The following NMNAT3 variants were observed in gnomAD, a reference collection of about 807,000 sequenced individuals.
NMNAT3 encodes the protein nicotinamide nucleotide adenylyltransferase 3, also known as nicotinamide/nicotinic acid mononucleotide adenylyltransferase 3.
In NMNAT3, 21 loss-of-function variants were observed where a neutral mutation model predicts 24.8. That is an observed-to-expected ratio of 0.85 (90% confidence interval 0.60 to 1.22). NMNAT3 has a LOEUF of 1.22. NMNAT3 is among the 50% of genes most tolerant of loss of function. The pLI, the probability that NMNAT3 is intolerant of heterozygous loss-of-function variation, is 0.00. For missense variants in NMNAT3, 387 were observed against 436.6 expected, an observed-to-expected ratio of 0.89 and a Z score of 1.01; for synonymous variants, 136 against 155.2, an observed-to-expected ratio of 0.88 and a Z score of 0.92.
intron 3 of NMNAT3, among the ~76,000 whole-genome samples, chr3:139,614,196 T>C (rs1010848101): frequency 2.9e-4 from 44 of 151,840 alleles, no homozygotes; most frequent in African/African-American, 1.0e-3. Flanking sequence ...ATTTAAAATA[T>C]CAATTTGCCT....
At chr3:139,569,827 T>A (rs1283035684) in intron 6 of NMNAT3, 1 of 152,176 alleles carries the variant, frequency 6.6e-6, no homozygotes, top group African/African-American at 2.4e-5. Context: ...TGTCTTGGAG[T>A]TGCTCTTCTC....
At chr3:139,649,040 A>G (rs901231502) in intron 1 of NMNAT3, among the ~76,000 whole-genome samples, 2 of 152,214 alleles carry the variant, frequency 1.3e-5, no homozygotes, top group Admixed American at 1.3e-4. Context: ...AGGGGGTGGT[A>G]AGAAGAGTGG....
At chr3:139,651,895 C>T (rs1176582068) in intron 1 of NMNAT3, among the ~76,000 whole-genome samples, 1 of 152,210 alleles carries the variant, frequency 6.6e-6, no homozygotes, top group Admixed American at 6.5e-5. Flanking sequence ...CCTCTGAATG[C>T]TCCATGCTCC....
At chr3:139,591,509 G>T in intron 3 of NMNAT3, among the ~76,000 whole-genome samples, 1 of 152,146 alleles carries the variant, frequency 6.6e-6, no homozygotes, top group Non-Finnish European at 1.5e-5. Flanking sequence ...CTCCACCTCT[G>T]GGGGCAGGGT....
At chr3:139,591,091 G>T (rs7652920) in intron 3 of NMNAT3, among the ~76,000 whole-genome samples, 3,772 of 151,404 alleles carry the variant, frequency 0.025, 167 homozygotes, top group African/African-American at 0.085. Context: ...CCAGACAGTG[G>T]GCGCAGGCCA....
intron 1 of NMNAT3, among the ~76,000 whole-genome samples, chr3:139,638,576 G>T (rs564847184): frequency 6.6e-6 from 1 of 152,146 alleles, no homozygotes. Flanking sequence ...GCTCATCTCC[G>T]TCCCTTGACT....
At chr3:139,636,284 A>G (rs2056497834) in intron 2 of NMNAT3, 1 of 152,138 alleles carries the variant, frequency 6.6e-6, no homozygotes, top group African/African-American at 2.4e-5. Context: ...TCTATTTTAT[A>G]TGCAGAAACT....
intron 3 of NMNAT3, among the ~76,000 whole-genome samples, chr3:139,620,959 AT>A (rs796386715): frequency 1.3e-5 from 2 of 151,170 alleles, no homozygotes; most frequent in African/African-American, 2.4e-5. Context: ...ATGCTTGGCT[AT>A]TTTTTTTTCC....
At chr3:139,650,276 CCTT>C (rs2057013000) in intron 1 of NMNAT3, among the ~76,000 whole-genome samples, 1 of 152,126 alleles carries the variant, frequency 6.6e-6, no homozygotes. Flanking sequence ...TTTTATGACT[CCTT>C]ATTACAAATT....
chr3:139,564,149 G>A (rs1002086216), intron 6 of NMNAT3, among the ~76,000 whole-genome samples: 1 of 152,152 alleles, frequency 6.6e-6, no homozygotes, highest in Non-Finnish European at 1.5e-5. Context: ...GCCATAAAAT[G>A]GGGATAGTAA....
At chr3:139,644,153 C>G (rs542588703) in intron 1 of NMNAT3, among the ~76,000 whole-genome samples, 2 of 152,284 alleles carry the variant, frequency 1.3e-5, no homozygotes, top group South Asian at 4.2e-4. Context: ...ATCATTAAGT[C>G]AATTTTAGTT....
chr3:139,663,069 C>T (rs2057467766), intron 1 of NMNAT3, among the ~76,000 whole-genome samples: 1 of 152,204 alleles, frequency 6.6e-6, no homozygotes, highest in Non-Finnish European at 1.5e-5. Flanking sequence ...AGTCAGAAGT[C>T]CAAAAGGGAC....
chr3:139,590,374 T>G (rs980327479), intron 3 of NMNAT3, among the ~76,000 whole-genome samples: 8 of 152,240 alleles, frequency 5.3e-5, no homozygotes, highest in African/African-American at 1.9e-4. Context: ...AGCTAATCAA[T>G]TTGGGAGCAT....
chr3:139,596,918 A>ATG (rs2054491150), intron 3 of NMNAT3, among the ~76,000 whole-genome samples: 1 of 27,820 alleles, frequency 3.6e-5, no homozygotes, highest in Non-Finnish European at 1.0e-4. Context: ...TCATGTGTGT[A>ATG]TATATATATA....
chr3:139,573,743 A>G, intron 5 of NMNAT3, 63 bp from the exon 6 acceptor site: 1 of 890,222 alleles, frequency 1.1e-6, no homozygotes, highest in Non-Finnish European at 1.7e-6. Context: ...CCACCCAGGG[A>G]TTTTCAGATT....
chr3:139,646,299 A>G (rs1169988381), intron 1 of NMNAT3, among the ~76,000 whole-genome samples: 1 of 152,254 alleles, frequency 6.6e-6, no homozygotes, highest in Non-Finnish European at 1.5e-5. Flanking sequence ...TCACTGGCTT[A>G]GAAAGTGACA....
At chr3:139,656,444 A>G (rs1055393399) in intron 1 of NMNAT3, among the ~76,000 whole-genome samples, 2 of 152,192 alleles carry the variant, frequency 1.3e-5, no homozygotes, top group African/African-American at 4.8e-5. Context: ...CTGGGGAAAG[A>G]GGCATGGAGA....
intron 2 of NMNAT3, among the ~76,000 whole-genome samples, chr3:139,631,019 C>T (rs1485548666): frequency 6.6e-6 from 1 of 152,048 alleles, no homozygotes; most frequent in African/African-American, 2.4e-5. Flanking sequence ...CCAAAAGTTC[C>T]CAGAAACTAT....
At chr3:139,665,725 G>GGA (rs10547665) in intron 1 of NMNAT3, among the ~76,000 whole-genome samples, 57,350 of 138,900 alleles carry the variant, frequency 0.41, 12,169 homozygotes, top group East Asian at 0.54. Flanking sequence ...ATTTGTAACA[G>GGA]GAGAGAGAGA....
Sources: allele counts gnomAD v4.1 joint callset (sites outside exome capture counted in the v4.1 genomes callset), GRCh38; gene constraint gnomAD v4.1.1; transcripts MANE v1.5; gene names NCBI Gene and HGNC (gene_info 2026-07-23, HGNC 2026-07-21).